BCKDHB: variants seen among roughly 807,000 people sequenced by gnomAD.
BCKDHB encodes the protein branched chain keto acid dehydrogenase E1 subunit beta, also known as 2-oxoisovalerate dehydrogenase subunit beta, mitochondrial.
BCKDHB carries 41 observed loss-of-function variants against 48.5 expected under a neutral mutation model. That is an observed-to-expected ratio of 0.85 (90% CI 0.66 to 1.10). The LOEUF is 1.10. Ranked by LOEUF, BCKDHB falls within the 50% of genes least tolerant of loss-of-function variation. BCKDHB has a pLI of 0.00. For synonymous variants in BCKDHB, 201 were observed against 174.8 expected, an observed-to-expected ratio of 1.15 and a Z score of -1.18; for missense variants, 496 against 494.2, an observed-to-expected ratio of 1.00 and a Z score of -0.03.
chr6:80,372,374 T>C, the BCKDHB span, among the ~76,000 whole-genome samples: 2 of 151,862 alleles, frequency 1.3e-5, no homozygotes, highest in Admixed American at 1.3e-4. Context: ...TGAGTCTTTA[T>C]ATGATCATAT....
In BCKDHB at chr6:80,153,954, T is replaced by C. The variant is rs948649572; in HGVS notation, c.344-13724T>C. Among the ~76,000 whole-genome samples the C allele has an allele frequency of 2.0e-5, 3 of 152,228 alleles. No individual in the cohort carries two copies. The East Asian group carries it at 5.8e-4, about 29-fold the overall frequency. On this transcript the variant is annotated intron_variant, in intron 3 of 9. Coordinates refer to ENST00000320393, the MANE Select transcript of BCKDHB (RefSeq NM_183050.4). The stretch of plus-strand genomic sequence containing the variant: ...TATCTTTATCTCCCACTACTGTTTT[T>C]AATCCTCTTATACTTCAGCCTTCTT...
At position 80,273,223 on chromosome 6, in the gene BCKDHB, T is replaced by C. The variant is rs762419044; in HGVS notation, c.1038+2T>C. ...TCGGAAATCAGCTCTACAGTTCAGG[T>C]AGAGTAATTTTTGGAACTGATTTCA... On this transcript the variant is annotated splice_donor_variant, in intron 9 of 9. Coordinates refer to ENST00000320393, the MANE Select transcript of BCKDHB (RefSeq NM_183050.4). LOFTEE classifies it high-confidence loss of function. 2 of 1,612,564 alleles carry C rather than the reference T, an allele frequency of 1.2e-6. No individual in the cohort carries two copies. The highest frequency in any genetic ancestry group is 1.7e-5 in the Admixed American group (1 of 59,866).
the BCKDHB span, among the ~76,000 whole-genome samples, chr6:80,377,226 G>A: frequency 6.6e-6 from 1 of 151,940 alleles, no homozygotes; most frequent in Non-Finnish European, 1.5e-5. Flanking sequence ...ATTTTTAGTA[G>A]AGACGAGGTT....
chr6:80,413,086 A>G, the BCKDHB span, among the ~76,000 whole-genome samples: 1 of 152,096 alleles, frequency 6.6e-6, no homozygotes, highest in Non-Finnish European at 1.5e-5. Flanking sequence ...ATTTCTTTAA[A>G]TTAGTTTTCT....
chr6:80,456,110 G>A, the BCKDHB span, among the ~76,000 whole-genome samples: 1 of 151,990 alleles, frequency 6.6e-6, no homozygotes, highest in Non-Finnish European at 1.5e-5. Context: ...AGCTACTCGG[G>A]AGGCTGAGGT....
At chr6:80,133,450 T>C (rs916230730) in intron 3 of BCKDHB, among the ~76,000 whole-genome samples, 2 of 152,150 alleles carry the variant, frequency 1.3e-5, no homozygotes, top group African/African-American at 4.8e-5. Context: ...CTTTGAAAAT[T>C]AGAAGAAAGA....
chr6:80,114,944 A>G (rs1344166075), intron 1 of BCKDHB, among the ~76,000 whole-genome samples: 1 of 152,256 alleles, frequency 6.6e-6, no homozygotes, highest in Non-Finnish European at 1.5e-5. Context: ...AGAAGTTACC[A>G]GGTGCCCTGA....
chr6:80,142,931 G>A (rs920956581), intron 3 of BCKDHB, among the ~76,000 whole-genome samples: 3 of 151,932 alleles, frequency 2.0e-5, no homozygotes, highest in Non-Finnish European at 2.9e-5. Context: ...CAGAAGTCTG[G>A]GAGATTATCA....
At chr6:80,393,817 A>G in the BCKDHB span, among the ~76,000 whole-genome samples, 1 of 152,074 alleles carries the variant, frequency 6.6e-6, no homozygotes, top group Non-Finnish European at 1.5e-5. Flanking sequence ...TCTTTCCTGG[A>G]CCTCATGTAT....
At chr6:80,343,610 A>T in intron 9 of BCKDHB, 54 bp from the exon 10 acceptor site, 1 of 1,591,380 alleles carries the variant, frequency 6.3e-7, no homozygotes, top group Non-Finnish European at 8.6e-7. Context: ...GCACTATTTC[A>T]TTTCTGTGAG....
chr6:80,346,405 T>C (rs889022752), downstream of BCKDHB: 1 of 152,166 alleles, frequency 6.6e-6, no homozygotes, highest in African/African-American at 2.4e-5. Flanking sequence ...TCAACTTTAT[T>C]GTATTTGGTT....
At chr6:80,354,630 T>C in the BCKDHB span, among the ~76,000 whole-genome samples, 3 of 152,212 alleles carry the variant, frequency 2.0e-5, no homozygotes, top group African/African-American at 7.2e-5. Context: ...TCTTCTAGTG[T>C]TTTTATAGTT....
intron 8 of BCKDHB, among the ~76,000 whole-genome samples, chr6:80,231,459 G>T (rs1775921277): frequency 6.6e-6 from 1 of 152,088 alleles, no homozygotes; most frequent in African/African-American, 2.4e-5. Context: ...CAGAAAAAGG[G>T]CTATTTTCTT....
chr6:80,276,976 C>T (rs1286682835), intron 9 of BCKDHB, among the ~76,000 whole-genome samples: 2 of 151,960 alleles, frequency 1.3e-5, no homozygotes, highest in Non-Finnish European at 2.9e-5. Flanking sequence ...GTATATTTGG[C>T]CCCACTCTGG....
chr6:80,253,438 A>G (rs1257722784), intron 8 of BCKDHB, among the ~76,000 whole-genome samples: 1 of 152,318 alleles, frequency 6.6e-6, no homozygotes, highest in East Asian at 1.9e-4. Context: ...CTGTTTAATC[A>G]TGCGTCGGGC....
chr6:80,241,651 A>G (rs1776395417), intron 8 of BCKDHB, among the ~76,000 whole-genome samples: 1 of 152,166 alleles, frequency 6.6e-6, no homozygotes, highest in Admixed American at 6.5e-5. Context: ...TATAGGCAAT[A>G]TTTCTGGTAA....
chr6:80,313,599 G>T (rs991966740), intron 9 of BCKDHB, among the ~76,000 whole-genome samples: 10 of 152,156 alleles, frequency 6.6e-5, no homozygotes. Flanking sequence ...GACCTCAGGT[G>T]ATCTGCCCAC....
At chr6:80,132,455 C>T (rs1770679724) in intron 3 of BCKDHB, among the ~76,000 whole-genome samples, 1 of 152,138 alleles carries the variant, frequency 6.6e-6, no homozygotes, top group Non-Finnish European at 1.5e-5. Context: ...TAGACAGTGT[C>T]CTACTGTCTC....
chr6:80,290,319 C>T (rs1199409837), intron 9 of BCKDHB, among the ~76,000 whole-genome samples: 1 of 152,176 alleles, frequency 6.6e-6, no homozygotes, highest in East Asian at 1.9e-4. Context: ...GGCATATCTT[C>T]CTCCTGCAGC....
Sources: allele counts gnomAD v4.1 joint callset (sites outside exome capture counted in the v4.1 genomes callset), GRCh38; gene constraint gnomAD v4.1.1; transcripts MANE v1.5; gene names NCBI Gene and HGNC (gene_info 2026-07-23, HGNC 2026-07-21).